The following CDH12 variants were observed in gnomAD, a reference collection of about 807,000 sequenced individuals.
CDH12 encodes cadherin 12.
Under a neutral mutation model 74.1 loss-of-function variants are expected in CDH12, and 41 were observed. The ratio of observed to expected loss-of-function variants is 0.55; its 90% CI spans 0.43 to 0.72. The LOEUF is 0.72. Among genes scored for constraint, CDH12 ranks in the 30% least tolerant of loss-of-function variants. The probability of loss-of-function intolerance (pLI) is 0.00; values close to 1 mark genes in which losing one functional copy is unlikely to be tolerated. For missense variants in CDH12, 945 were observed against 977.2 expected (o/e 0.97, Z 0.44); for synonymous variants, 399 against 355.0 (o/e 1.12, Z -1.39).
chr5:22,353,616 C>T (rs1740442843), intron 3 of CDH12, among the ~76,000 whole-genome samples: 1 of 152,172 alleles, frequency 6.6e-6, no homozygotes, highest in Non-Finnish European at 1.5e-5. Context: ...ATCACAAACT[C>T]AAGTTTCAAA....
chr5:22,656,839 GGA>G (rs1740062456), intron 1 of CDH12, among the ~76,000 whole-genome samples: 1 of 151,994 alleles, frequency 6.6e-6, no homozygotes, highest in South Asian at 2.1e-4. Context: ...TGTGTGTGTT[GGA>G]GAGAGAGAAA....
intron 5 of CDH12, among the ~76,000 whole-genome samples, chr5:22,057,778 T>C (rs1428762903): frequency 1.3e-5 from 2 of 152,150 alleles, no homozygotes; most frequent in African/African-American, 4.8e-5. Flanking sequence ...AGTGTTTGCA[T>C]AGTTTTCATG....
intron 3 of CDH12, among the ~76,000 whole-genome samples, chr5:22,281,910 T>TA (rs1736903335): frequency 6.6e-6 from 1 of 152,196 alleles, no homozygotes; most frequent in African/African-American, 2.4e-5. Context: ...CGAGCCCGCA[T>TA]AGCAAAGACA....
chr5:22,808,710 A>C (rs1428742781), intron 1 of CDH12, among the ~76,000 whole-genome samples: 1 of 145,268 alleles, frequency 6.9e-6, no homozygotes, highest in Non-Finnish European at 1.5e-5. Flanking sequence ...GTTCAAGCGA[A>C]TCTCCTGCCT....
At chr5:21,884,060 A>G in intron 6 of CDH12, 1 of 1,430,782 alleles carries the variant, frequency 7.0e-7, no homozygotes, top group Non-Finnish European at 9.9e-7. Flanking sequence ...GATCTTTGAT[A>G]GTTGAGAAAA....
chr5:22,505,116 T>G (rs1008111262), intron 2 of CDH12, among the ~76,000 whole-genome samples, 154 bp downstream of exon 2: 2 of 152,158 alleles, frequency 1.3e-5, no homozygotes, highest in Admixed American at 6.6e-5. Flanking sequence ...GATTTTGTTG[T>G]GTTTATGTCA....
intron 3 of CDH12, among the ~76,000 whole-genome samples, chr5:22,372,265 A>G (rs1741326248): frequency 1.3e-5 from 2 of 152,144 alleles, no homozygotes; most frequent in African/African-American, 4.8e-5. Context: ...TCTAAGAGAG[A>G]GAGCACTGGG....
At chr5:22,535,157 T>C (rs1266622740) in intron 1 of CDH12, among the ~76,000 whole-genome samples, 1,335 of 128,530 alleles carry the variant, frequency 0.01, 29 homozygotes, top group African/African-American at 0.036. Context: ...TTTTTTTTTT[T>C]CTTTTTTTTT....
intron 1 of CDH12, among the ~76,000 whole-genome samples, chr5:22,644,561 G>A (rs1739335937): frequency 6.6e-6 from 1 of 151,990 alleles, no homozygotes; most frequent in African/African-American, 2.4e-5. Context: ...GTTGGTTCAT[G>A]AGGTTTGAGA....
chr5:22,708,518 A>C (rs1427893699), intron 1 of CDH12, among the ~76,000 whole-genome samples: 1 of 152,112 alleles, frequency 6.6e-6, no homozygotes, highest in African/African-American at 2.4e-5. Flanking sequence ...TAAAAGGAAA[A>C]GCCTCCTGAG....
At chr5:22,181,842 C>T (rs1220690041) in intron 4 of CDH12, among the ~76,000 whole-genome samples, 2 of 152,050 alleles carry the variant, frequency 1.3e-5, no homozygotes, top group Admixed American at 6.6e-5. Context: ...CCATGCCATC[C>T]ATATATGAGT....
At chr5:22,726,593 C>T (rs1179434608) in intron 1 of CDH12, among the ~76,000 whole-genome samples, 1 of 151,800 alleles carries the variant, frequency 6.6e-6, no homozygotes, top group East Asian at 1.9e-4. Context: ...AAAGAGAGCT[C>T]CTATTGCTTC....
chr5:22,292,994 C>T (rs1234970571), intron 3 of CDH12, among the ~76,000 whole-genome samples: 1 of 51,350 alleles, frequency 1.9e-5, no homozygotes, highest in Non-Finnish European at 5.8e-5. Context: ...CAACTTGTAA[C>T]CCACATCCAT....
intron 3 of CDH12, among the ~76,000 whole-genome samples, chr5:22,261,051 ATGTGTG>A (rs541034254): frequency 1.4e-5 from 2 of 141,808 alleles, no homozygotes; most frequent in Non-Finnish European, 3.2e-5. Context: ...CTATATATAT[ATGTGTG>A]TGTGTGTGTG....
chr5:22,331,343 T>G (rs574794087), intron 3 of CDH12, among the ~76,000 whole-genome samples: 1 of 152,060 alleles, frequency 6.6e-6, no homozygotes, highest in African/African-American at 2.4e-5. Context: ...CATCACCACA[T>G]CTCCAGTGCC....
At chr5:22,366,574 C>T (rs932382723) in intron 3 of CDH12, among the ~76,000 whole-genome samples, 14 of 152,086 alleles carry the variant, frequency 9.2e-5, no homozygotes, top group Non-Finnish European at 1.6e-4. Context: ...TTACATTAAC[C>T]TCTCGTTTTG....
chr5:22,253,716 C>T (rs1394766540), intron 3 of CDH12, among the ~76,000 whole-genome samples: 1 of 151,708 alleles, frequency 6.6e-6, no homozygotes, highest in Non-Finnish European at 1.5e-5. Flanking sequence ...TCTTCTCCTC[C>T]ACCTCTCCTC....
At chr5:21,794,278 C>CT (rs955205947) in intron 10 of CDH12, among the ~76,000 whole-genome samples, 4 of 151,174 alleles carry the variant, frequency 2.6e-5, no homozygotes, top group Middle Eastern at 3.4e-3. Context: ...TTCTTGTTTG[C>CT]TTTTTTTTGT....
At chr5:22,602,239 C>T (rs796961806) in intron 1 of CDH12, among the ~76,000 whole-genome samples, 3 of 152,174 alleles carry the variant, frequency 2.0e-5, no homozygotes, top group African/African-American at 7.2e-5. Context: ...ATAAATGCCA[C>T]GGAGTTTTAT....
Sources: gnomAD v4.1 joint callset for allele counts (sites outside exome capture counted in the v4.1 genomes callset) on GRCh38, gnomAD v4.1.1 for gene constraint, MANE v1.5 for transcripts, NCBI Gene and HGNC (gene_info 2026-07-23, HGNC 2026-07-21) for gene names.